ZFAND3: variants seen among roughly 807,000 people sequenced by gnomAD.
The protein encoded by ZFAND3 is zinc finger AN1-type containing 3, also known as AN1-type zinc finger protein 3.
ZFAND3 carries 10 observed loss-of-function variants against 29.6 expected under a neutral mutation model. The ratio of observed to expected loss-of-function variants is 0.34; its 90% CI spans 0.21 to 0.57. ZFAND3 has a LOEUF of 0.57. Among genes scored for constraint, ZFAND3 ranks in the 20% least tolerant of loss-of-function variants. The pLI is 0.86. For synonymous variants in ZFAND3, 128 were observed against 112.6 expected (o/e 1.14, Z -0.87); for missense variants, 230 against 304.5 (o/e 0.76, Z 1.82).
chr6:38,112,747 CG>C lies in ZFAND3; in HGVS notation c.362-3824del, dbSNP rs377594900. Among the ~76,000 whole-genome samples, 46 of 152,168 alleles carry C rather than the reference CG, an allele frequency of 3.0e-4. No individual in the cohort carries two copies. The East Asian group carries it at 7.3e-3, about 24-fold the overall frequency. On this transcript the variant is annotated intron_variant, in intron 4 of 5. Transcript: ENST00000287218. The stretch of plus-strand genomic sequence containing the variant: ...TGAATTATTTAATTCATTATCATGT[CG>C]TTAGAACCCCTGCCCTGGACATCTG...
Position 38,051,972 on chromosome 6 carries a change from C to T in ZFAND3, c.113-9621C>T, listed in dbSNP as rs2055207. 0.017 allele frequency among the ~76,000 whole-genome samples: 2,537 copies of T among 152,204 alleles called. 251 individuals are homozygous for T. In the East Asian group the frequency reaches 0.28, roughly 17 times the overall value. ...AATAAATGCTGTATAGGAAACAAGC[C>T]TTACTCCAAATAATTTTTTTTGCTA... On this transcript the variant is annotated intron_variant, in intron 2 of 5. Coordinates refer to ENST00000287218, the MANE Select transcript of ZFAND3 (RefSeq NM_021943.3).
chr6:37,893,073 G>A (rs1015815944), intron 1 of ZFAND3, among the ~76,000 whole-genome samples: 7 of 151,948 alleles, frequency 4.6e-5, no homozygotes, highest in African/African-American at 1.4e-4. Context: ...ACACACACAC[G>A]TTTAGGAGGA....
intron 2 of ZFAND3, among the ~76,000 whole-genome samples, chr6:37,934,838 CAAAAAAAAA>C (rs61670894): frequency 4.8e-4 from 34 of 70,642 alleles, no homozygotes; most frequent in Admixed American, 7.9e-4. Flanking sequence ...GACTCTGTCT[CAAAAAAAAA>C]AAAAAAAAAA....
At chr6:37,954,483 A>G (rs988838679) in intron 2 of ZFAND3, among the ~76,000 whole-genome samples, 5 of 152,176 alleles carry the variant, frequency 3.3e-5, no homozygotes, top group Non-Finnish European at 7.4e-5. Flanking sequence ...TCAATCTCAC[A>G]TGCTACAGTT....
chr6:37,856,960 T>C (rs74359844), intron 1 of ZFAND3, among the ~76,000 whole-genome samples: 1 of 152,048 alleles, frequency 6.6e-6, no homozygotes, highest in African/African-American at 2.4e-5. Context: ...CTTTTTTTTT[T>C]TGAGACAAGA....
At chr6:38,057,592 G>A (rs567261520) in intron 2 of ZFAND3, among the ~76,000 whole-genome samples, 13 of 152,254 alleles carry the variant, frequency 8.5e-5, no homozygotes, top group East Asian at 1.9e-4. Flanking sequence ...TTTACAGAAG[G>A]CCTCAAAAGA....
intron 1 of ZFAND3, among the ~76,000 whole-genome samples, chr6:37,844,500 C>T (rs890896525): frequency 6.7e-6 from 1 of 149,822 alleles, no homozygotes; most frequent in African/African-American, 2.5e-5. Flanking sequence ...CCAGGATGGT[C>T]TTGACCTCCT....
intron 5 of ZFAND3, among the ~76,000 whole-genome samples, chr6:38,141,698 A>G (rs1035771355): frequency 2.0e-5 from 3 of 152,186 alleles, no homozygotes; most frequent in African/African-American, 7.2e-5. Context: ...CTCAAAGGAG[A>G]ATGGAACCAG....
At chr6:37,874,268 C>T (rs1764751762) in intron 1 of ZFAND3, among the ~76,000 whole-genome samples, 1 of 152,190 alleles carries the variant, frequency 6.6e-6, no homozygotes, top group Non-Finnish European at 1.5e-5. Context: ...GTAATCCCAG[C>T]ACTTTGGGAG....
At chr6:38,150,443 G>A (rs1307605011) in intron 5 of ZFAND3, among the ~76,000 whole-genome samples, 1 of 152,220 alleles carries the variant, frequency 6.6e-6, no homozygotes, top group African/African-American at 2.4e-5. Context: ...CTGGGCTCAA[G>A]ACTTCCTAGT....
At chr6:37,849,520 T>A (rs1764244675) in intron 1 of ZFAND3, among the ~76,000 whole-genome samples, 1 of 152,204 alleles carries the variant, frequency 6.6e-6, no homozygotes, top group African/African-American at 2.4e-5. Flanking sequence ...GTGATTCTCC[T>A]GCGTCAGCCT....
Position 37,941,614 on chromosome 6 carries a change from T to C in ZFAND3, c.112+11615T>C, listed in dbSNP as rs1217705423. 1.3e-5 allele frequency among the ~76,000 whole-genome samples: 2 copies of C among 152,208 alleles called. 1 individual carries two copies. Among genetic ancestry groups the C allele is most frequent in the African/African-American group, 4.8e-5 (2 of 41,456 alleles). On this transcript the variant is annotated intron_variant, in intron 2 of 5. Transcript: ENST00000287218. Reference sequence around the variant, plus strand: ...GTGCTGCGTAGTGAAGCACCATTTCTATTTAGTCTCCTGTGTTTAGCTTCT... The same window carrying C: ...GTGCTGCGTAGTGAAGCACCATTTCCATTTAGTCTCCTGTGTTTAGCTTCT...
chr6:37,838,598 C>T (rs756428116), intron 1 of ZFAND3, among the ~76,000 whole-genome samples: 15 of 152,130 alleles, frequency 9.9e-5, no homozygotes, highest in Admixed American at 4.6e-4. Context: ...CTTTTGTGTC[C>T]GGCTTCTTTG....
At chr6:37,839,054 C>G (rs559391558) in intron 1 of ZFAND3, among the ~76,000 whole-genome samples, 2 of 152,254 alleles carry the variant, frequency 1.3e-5, no homozygotes, top group East Asian at 3.9e-4. Flanking sequence ...TCCTTAATGA[C>G]TGATGATGTT....
intron 5 of ZFAND3, among the ~76,000 whole-genome samples, chr6:38,149,410 C>CAA (rs35426126): frequency 0.092 from 8,083 of 88,126 alleles, 344 homozygotes; most frequent in Non-Finnish European, 0.12. Flanking sequence ...GACCCTGTCT[C>CAA]AAAAAAAAAA....
chr6:38,103,418 T>TAC (rs1195970899), intron 4 of ZFAND3, among the ~76,000 whole-genome samples: 1 of 145,220 alleles, frequency 6.9e-6, no homozygotes, highest in African/African-American at 2.7e-5. Context: ...CACACGTATA[T>TAC]ACACACACAT....
chr6:37,951,698 T>TGA (rs1762001654), intron 2 of ZFAND3, among the ~76,000 whole-genome samples: 1 of 152,232 alleles, frequency 6.6e-6, no homozygotes, highest in Non-Finnish European at 1.5e-5. Flanking sequence ...TTCTCTTGCC[T>TGA]GATTGGTCTG....
At chr6:38,105,198 A>G (rs1277459060) in intron 4 of ZFAND3, among the ~76,000 whole-genome samples, 2 of 152,214 alleles carry the variant, frequency 1.3e-5, no homozygotes, top group Non-Finnish European at 2.9e-5. Flanking sequence ...CTTAACTTTA[A>G]GGAATCTCTT....
intron 2 of ZFAND3, among the ~76,000 whole-genome samples, chr6:37,969,399 CATT>C (rs1350927927): frequency 3.9e-5 from 6 of 152,188 alleles, no homozygotes; most frequent in Admixed American, 1.3e-4. Context: ...AGCTGCCAAA[CATT>C]ATAGCTTAGG....
Sources: gnomAD v4.1 joint callset for allele counts (sites outside exome capture counted in the v4.1 genomes callset) on GRCh38, gnomAD v4.1.1 for gene constraint, MANE v1.5 for transcripts, NCBI Gene and HGNC (gene_info 2026-07-23, HGNC 2026-07-21) for gene names.